The following LRTM3 variants were observed in gnomAD, a reference collection of about 807,000 sequenced individuals.
LRTM3 encodes the protein leucine rich repeat transmembrane protein 3.
chr13:102,745,306 T>A, the LRTM3 span: 1 of 1,550,620 alleles, frequency 6.4e-7, no homozygotes, highest in Admixed American at 2.0e-5. Flanking sequence ...TAATACTATC[T>A]TCATGTGGAG....
chr13:102,733,666 C>T, the LRTM3 span: 9 of 1,551,224 alleles, frequency 5.8e-6, no homozygotes, highest in East Asian at 2.4e-5. Context: ...CTGTAAAGAG[C>T]CATTCCGGCC....
At chr13:102,758,558 T>G in the LRTM3 span, 25 of 1,548,034 alleles carry the variant, frequency 1.6e-5, no homozygotes, top group East Asian at 4.2e-4. Context: ...TTCCTGCTTT[T>G]GGGGCAACTG....
chr13:102,746,458 G>C, the LRTM3 span: 1 of 1,550,932 alleles, frequency 6.4e-7, no homozygotes, highest in Non-Finnish European at 8.7e-7. Flanking sequence ...GAGAGCAAAG[G>C]GTATTTAGAC....
chr13:102,741,595 A>C, the LRTM3 span: 16 of 1,550,316 alleles, frequency 1.0e-5, no homozygotes, highest in African/African-American at 2.1e-4. Flanking sequence ...GGCAGGCCAT[A>C]GACCCCAGGT....
the LRTM3 span, chr13:102,743,763 T>C: frequency 1.3e-6 from 2 of 1,550,386 alleles, no homozygotes; most frequent in African/African-American, 1.4e-5. Flanking sequence ...TCTCTATTGA[T>C]TTTATGTATC....
the LRTM3 span, chr13:102,740,642 A>C: frequency 6.5e-7 from 1 of 1,548,630 alleles, no homozygotes; most frequent in Non-Finnish European, 8.7e-7. Context: ...ATAATGTGGA[A>C]TATCCATAGC....
chr13:102,729,653 A>T, the LRTM3 span: 1 of 1,550,850 alleles, frequency 6.4e-7, no homozygotes, highest in Middle Eastern at 1.7e-4. Context: ...GGCAAAAAAA[A>T]AGGGCCGGTT....
At chr13:102,748,584 G>C in the LRTM3 span, 1 of 1,550,800 alleles carries the variant, frequency 6.4e-7, no homozygotes, top group Non-Finnish European at 8.7e-7. Flanking sequence ...TCCATTTCAG[G>C]AGAGGAAACA....
chr13:102,733,429 A>G, the LRTM3 span: 1 of 1,551,346 alleles, frequency 6.4e-7, no homozygotes. Context: ...ATCTCTCTGA[A>G]ACAGAAAATC....
the LRTM3 span, among the ~76,000 whole-genome samples, chr13:102,757,903 G>T: frequency 6.6e-6 from 1 of 152,164 alleles, no homozygotes; most frequent in East Asian, 1.9e-4. Flanking sequence ...AATAATTGTT[G>T]AATGGATTTC....
At chr13:102,741,483 C>G in the LRTM3 span, 1 of 1,549,356 alleles carries the variant, frequency 6.5e-7, no homozygotes, top group Non-Finnish European at 8.7e-7. Flanking sequence ...TCCTTTAATC[C>G]TTCTTTTCCC....
the LRTM3 span, chr13:102,733,721 T>C: frequency 6.4e-7 from 1 of 1,551,342 alleles, no homozygotes; most frequent in Non-Finnish European, 8.7e-7. Flanking sequence ...ATAAATGTCC[T>C]CATCCCGTGA....
At chr13:102,749,325 G>C in the LRTM3 span, 2 of 1,551,128 alleles carry the variant, frequency 1.3e-6, no homozygotes, top group East Asian at 2.4e-5. Context: ...ACAGAATCCT[G>C]GTTCAATTCT....
the LRTM3 span, chr13:102,735,900 T>C: frequency 2.6e-5 from 40 of 1,538,790 alleles, no homozygotes; most frequent in Non-Finnish European, 3.3e-5. Flanking sequence ...GGTTCCTTTT[T>C]GCTTTCCTGT....
chr13:102,742,130 C>T, the LRTM3 span: 1 of 1,550,442 alleles, frequency 6.4e-7, no homozygotes, highest in Non-Finnish European at 8.7e-7. Flanking sequence ...CACACAGTAT[C>T]CAGAGTCATA....
the LRTM3 span, chr13:102,741,259 A>C: frequency 6.5e-7 from 1 of 1,550,188 alleles, no homozygotes; most frequent in Admixed American, 2.0e-5. Flanking sequence ...TTTCATTGAA[A>C]CTTTCAGAGA....
the LRTM3 span, chr13:102,748,023 C>A: frequency 6.4e-7 from 1 of 1,550,840 alleles, no homozygotes; most frequent in Non-Finnish European, 8.7e-7. Flanking sequence ...ATGTATTCTG[C>A]GTTCTGTGTT....
At chr13:102,754,380 G>A in the LRTM3 span, among the ~76,000 whole-genome samples, 8 of 151,810 alleles carry the variant, frequency 5.3e-5, no homozygotes, top group Non-Finnish European at 1.0e-4. Context: ...GTCATTTATT[G>A]TCTGACCCTG....
At chr13:102,749,818 G>T in the LRTM3 span, 1 of 1,551,212 alleles carries the variant, frequency 6.4e-7, no homozygotes, top group Admixed American at 2.0e-5. Context: ...CCTGTGCTTG[G>T]ACAGAAATAA....
Sources: allele counts gnomAD v4.1 joint callset (sites outside exome capture counted in the v4.1 genomes callset), GRCh38; gene constraint gnomAD v4.1.1; transcripts MANE v1.5; gene names NCBI Gene and HGNC (gene_info 2026-07-23, HGNC 2026-07-21).